The following DCAF8L2 variants were observed in gnomAD, a reference collection of about 807,000 sequenced individuals.
DCAF8L2 encodes the protein DDB1- and CUL4-associated factor 8-like protein 2.
For synonymous variants in DCAF8L2, 200 were observed against 190.9 expected, an observed-to-expected ratio of 1.05 and a Z score of -0.39; for missense variants, 430 against 490.7, an observed-to-expected ratio of 0.88 and a Z score of 1.17.
At chrX:27,518,655 C>A in the DCAF8L2 span, 1 of 210,444 alleles carries the variant, frequency 4.8e-6, no homozygotes, top group African/African-American at 3.0e-5. Context: ...AGGAGAATCA[C>A]TTGAACCCGG....
chrX:27,502,381 C>A, the DCAF8L2 span, among the ~76,000 whole-genome samples: 1 of 44,487 alleles, frequency 2.2e-5, no homozygotes, highest in Non-Finnish European at 4.2e-5. Flanking sequence ...TATATATTGG[C>A]TGTGCATGTG....
chrX:27,527,129 T>C, the DCAF8L2 span, among the ~76,000 whole-genome samples: 1 of 111,788 alleles, frequency 8.9e-6, no homozygotes. Flanking sequence ...AGAAGTGGAG[T>C]CTACAGAGGC....
At chrX:27,545,366 C>T in the DCAF8L2 span, among the ~76,000 whole-genome samples, 1 of 112,024 alleles carries the variant, frequency 8.9e-6, no homozygotes, top group Non-Finnish European at 1.9e-5. Flanking sequence ...TAAAGGCAAT[C>T]TCGACAACAA....
intron 1 of DCAF8L2, among the ~76,000 whole-genome samples, chrX:27,628,273 T>A (rs753456369): frequency 8.9e-6 from 1 of 112,004 alleles, no homozygotes; most frequent in South Asian, 3.7e-4. Context: ...TTCTTTTTTT[T>A]AAAGCTGAAT....
intron 4 of DCAF8L2, among the ~76,000 whole-genome samples, chrX:27,731,568 CCTT>C (rs987155157): frequency 9.0e-5 from 10 of 110,901 alleles, no homozygotes; most frequent in African/African-American, 3.3e-4. Flanking sequence ...TCCTTGGTCT[CCTT>C]CTTTTTTAAT....
intron 4 of DCAF8L2, among the ~76,000 whole-genome samples, chrX:27,719,547 C>A (rs973687692): frequency 2.9e-5 from 3 of 104,940 alleles, no homozygotes; most frequent in Non-Finnish European, 5.8e-5. Flanking sequence ...TGGGTTCAAG[C>A]GATTCTCCTG....
At chrX:27,662,822 C>T (rs1929602483) in intron 2 of DCAF8L2, among the ~76,000 whole-genome samples, 2 of 111,438 alleles carry the variant, frequency 1.8e-5, no homozygotes, top group Admixed American at 9.6e-5. Flanking sequence ...TTATTCCTAA[C>T]ATTGTGTTGC....
the DCAF8L2 span, among the ~76,000 whole-genome samples, chrX:27,494,211 G>T: frequency 9.0e-6 from 1 of 110,721 alleles, no homozygotes; most frequent in Non-Finnish European, 1.9e-5. Context: ...TTCAAGACCA[G>T]CCTGACCAAC....
chrX:27,720,580 A>G lies in DCAF8L2; in HGVS notation c.-59+4409A>G, dbSNP rs1212163059. On this transcript the variant is annotated intron_variant, in intron 4 of 4. Transcript: ENST00000451261. ...AGTAGAGACGGGGTTTCACCTTGTTAGCCAGGATGGTCTCGATCTCCTGAC... is the reference window on the plus strand; with the variant it reads ...AGTAGAGACGGGGTTTCACCTTGTTGGCCAGGATGGTCTCGATCTCCTGAC... 2.7e-5 allele frequency among the ~76,000 whole-genome samples: 3 copies of G among 110,771 alleles called. 1 individual carries two copies. Among genetic ancestry groups the G allele is most frequent in the Admixed American group, 1.9e-4 (2 of 10,426 alleles).
the DCAF8L2 span, among the ~76,000 whole-genome samples, chrX:27,476,187 C>T: frequency 5.5e-5 from 6 of 109,026 alleles, no homozygotes; most frequent in Non-Finnish European, 1.1e-4. Context: ...ATTATGTAAC[C>T]GAGACTACTT....
chrX:27,686,542 A>G (rs1602734858), intron 3 of DCAF8L2, among the ~76,000 whole-genome samples: 1 of 111,400 alleles, frequency 9.0e-6, no homozygotes, highest in Middle Eastern at 4.6e-3. Context: ...TATCTCATGA[A>G]GATAGAGAAT....
At chrX:27,708,010 A>G (rs1167913473) in intron 3 of DCAF8L2, among the ~76,000 whole-genome samples, 1 of 111,393 alleles carries the variant, frequency 9.0e-6, no homozygotes, top group African/African-American at 3.3e-5. Context: ...TATTTAAAAT[A>G]TTCTACTTTT....
chrX:27,734,886 C>T (rs765729496), intron 4 of DCAF8L2, among the ~76,000 whole-genome samples: 4 of 111,749 alleles, frequency 3.6e-5, no homozygotes, highest in East Asian at 5.6e-4. Context: ...AAAGCAAACA[C>T]AATATACTTT....
At chrX:27,509,267 G>C in the DCAF8L2 span, among the ~76,000 whole-genome samples, 5 of 111,450 alleles carry the variant, frequency 4.5e-5, no homozygotes, top group Non-Finnish European at 9.4e-5. Context: ...ATCATGCCAT[G>C]TACCTGTGTG....
chrX:27,580,325 T>C, the DCAF8L2 span, among the ~76,000 whole-genome samples: 1 of 111,285 alleles, frequency 9.0e-6, no homozygotes, highest in African/African-American at 3.3e-5. Context: ...GGCAATGAGA[T>C]GGGTATGTTT....
At chrX:27,600,819 TA>T (rs1926604329) in intron 1 of DCAF8L2, among the ~76,000 whole-genome samples, 2 of 112,238 alleles carry the variant, frequency 1.8e-5, no homozygotes, top group African/African-American at 6.5e-5. Context: ...TTATATTAAC[TA>T]GGTGGTTAAC....
At chrX:27,713,191 A>C (rs2147285813) in intron 3 of DCAF8L2, among the ~76,000 whole-genome samples, 1 of 111,943 alleles carries the variant, frequency 8.9e-6, no homozygotes, top group South Asian at 3.7e-4. Flanking sequence ...GAAAGGAGAC[A>C]TTTCACAGCT....
At chrX:27,550,965 T>G in the DCAF8L2 span, among the ~76,000 whole-genome samples, 5 of 110,834 alleles carry the variant, frequency 4.5e-5, no homozygotes, top group African/African-American at 1.6e-4. Flanking sequence ...ATTATTATTA[T>G]ATCTCTTATG....
At chrX:27,469,785 T>A in the DCAF8L2 span, among the ~76,000 whole-genome samples, 1 of 110,527 alleles carries the variant, frequency 9.0e-6, no homozygotes, top group Non-Finnish European at 1.9e-5. Flanking sequence ...TCTCTTTTTT[T>A]TTTTTTTGAG....
Sources: allele counts gnomAD v4.1 joint callset (sites outside exome capture counted in the v4.1 genomes callset), GRCh38; gene constraint gnomAD v4.1.1; transcripts MANE v1.5; gene names NCBI Gene and HGNC (gene_info 2026-07-23, HGNC 2026-07-21).